The following DNAJA4 variants were observed in gnomAD, a reference collection of about 807,000 sequenced individuals.
DNAJA4 encodes the protein DnaJ heat shock protein family (Hsp40) member A4.
DNAJA4 carries 32 observed loss-of-function variants against 39.7 expected under a neutral mutation model. That is an observed-to-expected ratio of 0.81 (90% CI 0.61 to 1.08). The LOEUF is 1.08. DNAJA4 is among the 50% of genes least tolerant of loss of function. The pLI is 0.00. For synonymous variants in DNAJA4, 184 were observed against 182.4 expected (o/e 1.01, Z -0.07); for missense variants, 439 against 505.1 (o/e 0.87, Z 1.25).
intron 1 of DNAJA4, chr15:78,266,348 G>A: frequency 1.3e-6 from 2 of 1,543,160 alleles, no homozygotes; most frequent in Non-Finnish European, 8.9e-7. Context: ...TTGTTCTGAA[G>A]CTTTTATTTT....
Position 78,264,626 on chromosome 15 carries a change from G to GCGA in DNAJA4, c.-136_-135insACG, listed in dbSNP as rs1256876992. The GCGA allele has an allele frequency of 7.7e-6, 7 of 905,752 alleles. No homozygotes were observed. The highest frequency in any genetic ancestry group is 8.9e-6 in the Non-Finnish European group (7 of 784,844). 56.1% of individuals were successfully genotyped at this position (905,752 alleles called of 1,614,324 possible). ...GGCGGGGGGCGGGCGGGAGCTACAA[G>GCGA]CGGCGGCGGCGGCGGCGACCGTGAC... On this transcript the variant is annotated 5_prime_UTR_variant, in exon 1 of 7. Transcript: ENST00000394852.
rs780510386 is a variant in DNAJA4 at position 78,274,351 on chromosome 15, G to A, written c.573G>A (p.Lys191=). 9.3e-6 allele frequency: 15 copies of A among 1,614,096 alleles called. No homozygotes were observed. In the East Asian group the frequency reaches 3.3e-4, roughly 36 times the overall value. ...GCCAGGGTGAGCGCATCAACCCCAA[G>A]GACCGCTGCGAGAGCTGCAGCGGGG... ...CKGQGERINP[K]DRCESCSGAK... Residue 191 remains lysine, a synonymous_variant, in exon 4 of 7, where the codon AAG becomes AAA. Transcript: ENST00000394852.
chr15:78,268,585 T>A (rs10152977), intron 1 of DNAJA4, among the ~76,000 whole-genome samples: 2 of 151,874 alleles, frequency 1.3e-5, no homozygotes, highest in African/African-American at 4.8e-5. Context: ...TGAATATTTT[T>A]TGGAGCCAGC....
chr15:78,264,285 G>T (rs2049053013), upstream of DNAJA4: 7 of 1,362,952 alleles, frequency 5.1e-6, no homozygotes, highest in Middle Eastern at 4.5e-4. Flanking sequence ...GCGCCCTCCA[G>T]GCCCAAGCCG....
intron 1 of DNAJA4, among the ~76,000 whole-genome samples, chr15:78,267,165 AGTGTGTGAGTGTGTGAGTGT>A (rs377401625): frequency 7.7e-4 from 83 of 108,420 alleles, no homozygotes; most frequent in South Asian, 1.5e-3. Flanking sequence ...TGTGTATGTG[AGTGTGTGAGTGTGTGAGTGT>A]GTGTGTGAGT....
chr15:78,266,166 T>A (rs1253923485), intron 1 of DNAJA4: 1 of 1,526,608 alleles, frequency 6.6e-7, no homozygotes, highest in African/African-American at 1.4e-5. Context: ...ACATTCATTG[T>A]GGTCCGCTTC....
intron 1 of DNAJA4, chr15:78,266,113 C>T: frequency 5.7e-6 from 5 of 872,440 alleles, no homozygotes; most frequent in Non-Finnish European, 8.8e-6. Context: ...TTTAAAGGCA[C>T]TGGCGTTTTA....
intron 1 of DNAJA4, among the ~76,000 whole-genome samples, chr15:78,267,145 T>TGTGA (rs1555438015): frequency 3.1e-5 from 3 of 95,584 alleles, no homozygotes; most frequent in African/African-American, 1.2e-4. Context: ...TATGTGAGTG[T>TGTGA]GTGTGTGAGT....
chr15:78,273,013 A>G, intron 2 of DNAJA4, 82 bp from the exon 3 acceptor site: 1 of 828,582 alleles, frequency 1.2e-6, no homozygotes, highest in Non-Finnish European at 2.0e-6. Flanking sequence ...GAGACTTCAT[A>G]CAACTAAGGG....
At chr15:78,269,709 T>G (rs1473005901) in intron 1 of DNAJA4, among the ~76,000 whole-genome samples, 2 of 152,216 alleles carry the variant, frequency 1.3e-5, no homozygotes, top group Non-Finnish European at 2.9e-5. Flanking sequence ...GTAGCCATTT[T>G]TTTTTTTCTC....
intron 2 of DNAJA4, among the ~76,000 whole-genome samples, chr15:78,271,371 C>T (rs2049290609): frequency 6.6e-6 from 1 of 152,050 alleles, no homozygotes; most frequent in Non-Finnish European, 1.5e-5. Context: ...TCCTCTTGCC[C>T]ACCCTCCCTT....
Position 78,280,462 on chromosome 15 carries a change from G to T in DNAJA4, c.*2G>T. On this transcript the variant is annotated 3_prime_UTR_variant, in exon 7 of 7. Transcript: ENST00000394852. Reference sequence around the variant, plus strand: ...GGAGTGCAGTGCCAGACGGCATGACGTGGTGCGGGGCAGCGTGGCCCCACC... The same window carrying T: ...GGAGTGCAGTGCCAGACGGCATGACTTGGTGCGGGGCAGCGTGGCCCCACC... The T allele has an allele frequency of 1.2e-6, 2 of 1,605,872 alleles. No individual in the cohort carries two copies. The highest frequency in any genetic ancestry group is 1.7e-6 in the Non-Finnish European group (2 of 1,176,236).
intron 1 of DNAJA4, among the ~76,000 whole-genome samples, chr15:78,268,345 CTT>C (rs752066906): frequency 1.3e-5 from 2 of 152,182 alleles, no homozygotes; most frequent in Non-Finnish European, 2.9e-5. Context: ...GTACTTACTT[CTT>C]CGCAGAAATG....
chr15:78,275,743 T>G lies in DNAJA4; in HGVS notation c.877+15T>G. ...ATCCAAAGCAGGTAATGTTTCAAAG[T>G]GTGTTTCCATTGATGTTCTGTATGT... On this transcript the variant is annotated intron_variant, in intron 5 of 6. Coordinates refer to ENST00000394852, the MANE Select transcript of DNAJA4 (RefSeq NM_001130182.2). The G allele has an allele frequency of 6.4e-7, 1 of 1,553,884 alleles. No homozygotes were observed. Among genetic ancestry groups the G allele is most frequent in the Non-Finnish European group, 8.8e-7 (1 of 1,133,790 alleles).
upstream of DNAJA4, chr15:78,264,267 G>A (rs964186608): frequency 6.2e-6 from 8 of 1,293,016 alleles, no homozygotes; most frequent in Non-Finnish European, 8.0e-6. Context: ...CGGGACAGTT[G>A]TCGGAGGGCG....
chr15:78,278,382 C>T (rs1772975278), intron 5 of DNAJA4: 6 of 436,542 alleles, frequency 1.4e-5, no homozygotes, highest in Admixed American at 2.4e-5. Flanking sequence ...CATTGTTTGG[C>T]GATGTCGTTG....
rs1282611988 is a variant in DNAJA4, at chr15:78,274,389, G to A, written c.611G>A (p.Arg204His). 9.9e-6 allele frequency: 16 copies of A among 1,614,102 alleles called. No homozygotes were observed. Among genetic ancestry groups the A allele is most frequent in the East Asian group, 2.2e-5 (1 of 44,904 alleles). ...CESCSGAKVI[R>H]EKKIIEVHVE... ...AGCTGCAGCGGGGCCAAGGTGATCC[G>A]TGAGAAGAAGATTATCGAGGTACAT... Residue 204 changes from arginine (R) to histidine (H), a missense_variant, in exon 4 of 7, where the codon CGT becomes CAT. Arg to His is a conservative substitution (Grantham distance 29). Coordinates refer to ENST00000394852, the MANE Select transcript of DNAJA4 (RefSeq NM_001130182.2).
At chr15:78,266,196 G>C (rs1481313973) in intron 1 of DNAJA4, 14 of 1,611,654 alleles carry the variant, frequency 8.7e-6, no homozygotes, top group Non-Finnish European at 1.2e-5. Context: ...CCTTTAAGGA[G>C]AGCTTGTAGG....
intron 2 of DNAJA4, among the ~76,000 whole-genome samples, chr15:78,272,287 A>G (rs1037169892): frequency 1.3e-5 from 2 of 152,230 alleles, no homozygotes; most frequent in African/African-American, 4.8e-5. Flanking sequence ...CAGTGAGCCA[A>G]GATCGCACCA....
Sources: gnomAD v4.1 joint callset for allele counts (sites outside exome capture counted in the v4.1 genomes callset) on GRCh38, gnomAD v4.1.1 for gene constraint, MANE v1.5 for transcripts, NCBI Gene and HGNC (gene_info 2026-07-23, HGNC 2026-07-21) for gene names.